The following ANXA5 variants were observed in gnomAD, a reference collection of about 807,000 sequenced individuals.
The protein encoded by ANXA5 is annexin A5, also known as CBP-I.
In ANXA5, 40 loss-of-function variants were observed where a neutral mutation model predicts 48.1. The observed-to-expected ratio is 0.83, with a 90% CI of 0.65 to 1.08. ANXA5 has a LOEUF of 1.08. ANXA5 is among the 50% of genes least tolerant of loss of function. The pLI, the probability that ANXA5 is intolerant of heterozygous loss-of-function variation, is 0.00. For synonymous variants in ANXA5, 113 were observed against 129.1 expected, an observed-to-expected ratio of 0.88 and a Z score of 0.85; for missense variants, 357 against 376.8, an observed-to-expected ratio of 0.95 and a Z score of 0.44.
intron 12 of ANXA5, among the ~76,000 whole-genome samples, chr4:121,668,755 A>C (rs556306714): frequency 2.2e-4 from 33 of 152,158 alleles, no homozygotes; most frequent in African/African-American, 7.9e-4. Flanking sequence ...TAACAACTAT[A>C]GTCAAATCAA....
chr4:121,674,405 G>A (rs1379975893), intron 8 of ANXA5, among the ~76,000 whole-genome samples: 2 of 152,042 alleles, frequency 1.3e-5, no homozygotes, highest in Admixed American at 6.6e-5. Context: ...TTTCCTGAGG[G>A]TGCTAGTTAC....
At chr4:121,676,807 G>T (rs1724706339) in intron 8 of ANXA5, among the ~76,000 whole-genome samples, 1 of 152,118 alleles carries the variant, frequency 6.6e-6, no homozygotes, top group African/African-American at 2.4e-5. Context: ...GAGCATGTGA[G>T]AGAGGCTGGA....
chr4:121,671,724 T>C, intron 9 of ANXA5, 82 bp from the exon 10 acceptor site: 1 of 955,366 alleles, frequency 1.0e-6, no homozygotes. Flanking sequence ...TTAGGTAGTG[T>C]CTTACTGAAC....
At chr4:121,676,507 C>T (rs1174978466) in intron 8 of ANXA5, among the ~76,000 whole-genome samples, 2 of 152,168 alleles carry the variant, frequency 1.3e-5, no homozygotes, top group Non-Finnish European at 2.9e-5. Context: ...GAAATTGCCC[C>T]TTTCTGGTAG....
At chr4:121,685,739 A>C (rs962958846) in intron 3 of ANXA5, among the ~76,000 whole-genome samples, 19 of 152,210 alleles carry the variant, frequency 1.2e-4, no homozygotes, top group African/African-American at 4.3e-4. Flanking sequence ...AGAAGAGTCT[A>C]GCAGAATGAG....
intron 10 of ANXA5, 40 bp downstream of exon 10, chr4:121,671,507 T>G (rs755167298): frequency 6.9e-7 from 1 of 1,456,216 alleles, no homozygotes; most frequent in South Asian, 1.1e-5. Context: ...ATGCTTTAGC[T>G]CTTACCACCA....
intron 2 of ANXA5, among the ~76,000 whole-genome samples, chr4:121,693,786 T>C (rs1377505776): frequency 1.3e-5 from 2 of 152,224 alleles, no homozygotes; most frequent in Non-Finnish European, 2.9e-5. Flanking sequence ...CAGGTAACCC[T>C]GATCTAAGAT....
chr4:121,669,546 C>A (rs1724576295), intron 12 of ANXA5, 56 bp downstream of exon 12: 2 of 1,602,366 alleles, frequency 1.2e-6, no homozygotes, highest in South Asian at 1.1e-5. Context: ...GTCTTTCATG[C>A]AACATACCAG....
Position 121,668,367 on chromosome 4 carries a change from G to C in ANXA5, c.*101C>G. ...GTCATGAGCATGCTAGTATGAATAA[G>C]GCAATGTGTTAAGCACTGGCATACA... On this transcript the variant is annotated 3_prime_UTR_variant, in exon 13 of 13. Coordinates refer to ENST00000296511, the MANE Select transcript of ANXA5 (RefSeq NM_001154.4). 1.0e-6 allele frequency: 1 copy of C among 992,458 alleles called. No homozygotes were observed. The highest frequency in any genetic ancestry group is 1.6e-6 in the Non-Finnish European group (1 of 621,898). 61.5% of individuals were successfully genotyped at this position (992,458 alleles called of 1,614,324 possible). A position where few individuals can be genotyped will look rare whatever the true frequency, so the allele number is the denominator to read the frequency against.
Position 121,689,166 on chromosome 4 carries a change from C to A in ANXA5, c.10-2794G>T, listed in dbSNP as rs369635755. Among the ~76,000 whole-genome samples the A allele has an allele frequency of 1.6e-3, 240 of 152,306 alleles. 6 individuals are homozygous for A. The South Asian group carries it at 0.048, about 30-fold the overall frequency. On this transcript the variant is annotated intron_variant, in intron 2 of 12. Coordinates refer to ENST00000296511, the MANE Select transcript of ANXA5 (RefSeq NM_001154.4). ...AAAATTAGCCTGTGTTAGGAAAGTT[C>A]TTTCTCTCAGATCAAGTTACAGCTT...
At chr4:121,694,618 C>T (rs1187829043) in intron 2 of ANXA5, among the ~76,000 whole-genome samples, 18 of 152,056 alleles carry the variant, frequency 1.2e-4, no homozygotes, top group African/African-American at 3.9e-4. Context: ...CTCCTGACCT[C>T]GTGATCCACG....
At chr4:121,678,284 G>T in intron 7 of ANXA5, 131 bp downstream of exon 7, 1 of 732,206 alleles carries the variant, frequency 1.4e-6, no homozygotes, top group Non-Finnish European at 2.3e-6. Flanking sequence ...CATACAGTCA[G>T]AATCATCGCA....
intron 6 of ANXA5, 167 bp downstream of exon 6, chr4:121,681,504 C>T (rs1209355685): frequency 2.5e-5 from 13 of 529,084 alleles, no homozygotes; most frequent in African/African-American, 7.7e-5. Context: ...CAGTCTTTTC[C>T]TTACTGAAGG....
chr4:121,695,710 C>T (rs537524930), intron 2 of ANXA5, among the ~76,000 whole-genome samples: 63 of 152,128 alleles, frequency 4.1e-4, no homozygotes, highest in African/African-American at 1.4e-3. Flanking sequence ...TGAGACCAGC[C>T]TGGCCAACAT....
In ANXA5 at chr4:121,696,975, T is replaced by A. The variant is rs941156527; in HGVS notation, c.-148A>T. 9 of 167,932 alleles carry A rather than the reference T, an allele frequency of 5.4e-5. No individual in the cohort carries two copies. The highest frequency in any genetic ancestry group is 8.9e-5 in the Non-Finnish European group (7 of 78,808). The allele number at this position is 167,932 out of a possible 1,614,324, so 10.4% of individuals were successfully genotyped here. On this transcript the variant is annotated 5_prime_UTR_variant, in exon 1 of 13. Transcript: ENST00000296511. The stretch of plus-strand genomic sequence containing the variant: ...CGCTGAAGGATCCGGCAGCTGCACC[T>A]AGACTGATCCAAGCAACGGAAACGC...
At chr4:121,681,558 T>C (rs1724792719) in intron 6 of ANXA5, 113 bp downstream of exon 6, 2 of 581,668 alleles carry the variant, frequency 3.4e-6, no homozygotes, top group South Asian at 3.0e-5. Context: ...ATTCATTCAT[T>C]CATCCATCAT....
At position 121,696,905 on chromosome 4, in the gene ANXA5, G is replaced by T. The variant is rs911264084; in HGVS notation, c.-78C>A. ...AGTGCCCCGAAACCCCGGGAGAGCG[G>T]CGGAGAGCCGGGCGACGGTACGCGG... On this transcript the variant is annotated 5_prime_UTR_variant, in exon 1 of 13. Coordinates refer to ENST00000296511, the MANE Select transcript of ANXA5 (RefSeq NM_001154.4). The T allele has an allele frequency of 2.5e-5, 7 of 276,000 alleles. No individual in the cohort carries two copies. In the Admixed American group the frequency reaches 3.7e-4, roughly 15 times the overall value. The allele number at this position is 276,000 out of a possible 1,614,324, so 17.1% of individuals were successfully genotyped here.
chr4:121,690,205 G>C (rs780451041), intron 2 of ANXA5, among the ~76,000 whole-genome samples: 2 of 152,184 alleles, frequency 1.3e-5, no homozygotes, highest in Non-Finnish European at 2.9e-5. Flanking sequence ...GTTTTAGCAA[G>C]TGAGTCACCC....
At chr4:121,696,186 G>A (rs1179102285) in intron 2 of ANXA5, among the ~76,000 whole-genome samples, 2 of 143,312 alleles carry the variant, frequency 1.4e-5, no homozygotes, top group East Asian at 4.6e-4. Flanking sequence ...GGGGCGGGGT[G>A]GGGGGGGAAT....
Sources: gnomAD v4.1 joint callset for allele counts (sites outside exome capture counted in the v4.1 genomes callset) on GRCh38, gnomAD v4.1.1 for gene constraint, MANE v1.5 for transcripts, NCBI Gene and HGNC (gene_info 2026-07-23, HGNC 2026-07-21) for gene names.